The following LCA5 variants were observed in gnomAD, a reference collection of about 807,000 sequenced individuals.
LCA5 encodes the protein lebercilin.
In LCA5, 37 loss-of-function variants were observed where a neutral mutation model predicts 53.0. The observed-to-expected ratio is 0.70, with a 90% CI of 0.54 to 0.92. LCA5 has a LOEUF of 0.92. Among genes scored for constraint, LCA5 ranks in the 40% least tolerant of loss-of-function variants. The pLI is 0.00. For missense variants in LCA5, 806 were observed against 790.5 expected (o/e 1.02, Z -0.23); for synonymous variants, 303 against 282.9 (o/e 1.07, Z -0.71).
intron 3 of LCA5, among the ~76,000 whole-genome samples, chr6:79,512,241 A>G (rs1337539703): frequency 6.6e-6 from 1 of 151,976 alleles, no homozygotes; most frequent in Non-Finnish European, 1.5e-5. Context: ...GCTTTGCACT[A>G]TGAGCTGATC....
rs771098708 is a variant in LCA5, at chr6:79,513,652, G to A, written c.280C>T (p.Arg94Trp). The change falls in exon 3 of 8, where the codon CGG becomes TGG. Residue 94 changes from arginine (R) to tryptophan (W), a missense_variant. Physicochemically the swap from Arg to Trp is moderately radical, Grantham distance 101 (BLOSUM62 -3). Coordinates refer to ENST00000369846, the MANE Select transcript of LCA5 (RefSeq NM_001122769.3). ...TTTGTAACAAGATCAGTATCTTTCC[G>A]AAGTGGCTCTCTATTGAGGCTCTGG... Reference protein sequence around the residue: ...RSQSLNREPLRKDTDLVTKRI... With the variant: ...RSQSLNREPLWKDTDLVTKRI... 3.5e-5 allele frequency: 56 copies of A among 1,613,638 alleles called. No individual in the cohort carries two copies. Among genetic ancestry groups the A allele is most frequent in the Middle Eastern group, 1.6e-4 (1 of 6,078 alleles).
chr6:79,500,604 A>G (rs1770112401), intron 3 of LCA5, among the ~76,000 whole-genome samples: 1 of 152,174 alleles, frequency 6.6e-6, no homozygotes, highest in Non-Finnish European at 1.5e-5. Flanking sequence ...CAGTATTCCT[A>G]GAAGGTAGAC....
chr6:79,486,946 A>G lies in LCA5; in HGVS notation c.*58T>C. ...TTAAAAAGTCTAAATGTTTATAATA[A>G]ATACTGTATTAAAATATTTCAATAT... is the stretch of plus-strand genomic sequence containing the variant. On this transcript the variant is annotated 3_prime_UTR_variant, in exon 8 of 8. Transcript: ENST00000369846. 1 of 1,354,130 alleles carries G rather than the reference A, an allele frequency of 7.4e-7. No homozygotes were observed. Among genetic ancestry groups the G allele is most frequent in the Non-Finnish European group, 1.0e-6 (1 of 985,704 alleles). 83.9% of individuals were successfully genotyped at this position (1,354,130 alleles called of 1,614,324 possible). A position where few individuals can be genotyped will look rare whatever the true frequency, so the allele number is the denominator to read the frequency against.
chr6:79,486,722 CA>C lies in LCA5; in HGVS notation c.*281del, dbSNP rs1203078866. 3.2e-6 allele frequency: 1 copy of C among 308,844 alleles called. No individual in the cohort carries two copies. Among genetic ancestry groups the C allele is most frequent in the African/African-American group, 2.2e-5 (1 of 45,446 alleles). 19.1% of individuals were successfully genotyped at this position (308,844 alleles called of 1,614,324 possible). A position where few individuals can be genotyped will look rare whatever the true frequency, so the allele number is the denominator to read the frequency against. On this transcript the variant is annotated 3_prime_UTR_variant, in exon 8 of 8. Transcript: ENST00000369846. ...TAGAAAAGGAATACCACCTCCAGTGCAGTTAAACTTGCCATAGCACTGGATG... is the reference window on the plus strand; with the variant it reads ...TAGAAAAGGAATACCACCTCCAGTGCGTTAAACTTGCCATAGCACTGGATG...
intron 3 of LCA5, among the ~76,000 whole-genome samples, chr6:79,502,812 G>T (rs1415171823): frequency 6.6e-6 from 1 of 152,096 alleles, no homozygotes; most frequent in Non-Finnish European, 1.5e-5. Context: ...TAGAGCAACA[G>T]AAGACAGATT....
At chr6:79,487,954 AT>A in intron 7 of LCA5, 88 bp from the exon 8 acceptor site, 1 of 1,002,222 alleles carries the variant, frequency 1.0e-6, no homozygotes, top group Non-Finnish European at 1.5e-6. Context: ...AAACCACCAT[AT>A]TTAATTTGGG....
chr6:79,534,447 G>A (rs1562116471), intron 1 of LCA5, among the ~76,000 whole-genome samples: 1 of 151,960 alleles, frequency 6.6e-6, no homozygotes, highest in Non-Finnish European at 1.5e-5. Context: ...GACATTTACT[G>A]AACACCTATG....
chr6:79,520,822 G>A (rs2047897), intron 1 of LCA5, among the ~76,000 whole-genome samples: 23,349 of 152,130 alleles, frequency 0.15, 1,997 homozygotes, highest in East Asian at 0.22. Context: ...GATATACAGA[G>A]AAAAGAAAGA....
At chr6:79,518,038 T>C (rs1766496075) in intron 2 of LCA5, among the ~76,000 whole-genome samples, 1 of 152,186 alleles carries the variant, frequency 6.6e-6, no homozygotes, top group African/African-American at 2.4e-5. Context: ...CATATTTTGT[T>C]ACTAACTACA....
At chr6:79,501,888 G>A (rs181288443) in intron 3 of LCA5, among the ~76,000 whole-genome samples, 1 of 151,546 alleles carries the variant, frequency 6.6e-6, no homozygotes, top group Admixed American at 6.6e-5. Flanking sequence ...AGTATAGTAT[G>A]TAGTATAGAA....
chr6:79,533,597 TA>T (rs1054188055), intron 1 of LCA5, among the ~76,000 whole-genome samples: 3 of 136,872 alleles, frequency 2.2e-5, no homozygotes, highest in Admixed American at 7.1e-5. Flanking sequence ...AAAAAAAAAG[TA>T]AAAAGTCCCA....
At chr6:79,521,324 T>C (rs556239251) in intron 1 of LCA5, among the ~76,000 whole-genome samples, 1 of 152,214 alleles carries the variant, frequency 6.6e-6, no homozygotes, top group South Asian at 2.1e-4. Context: ...TCAATCTACA[T>C]ACATGGTTGG....
chr6:79,518,762 T>C lies in LCA5; in HGVS notation c.133A>G (p.Ser45Gly). 2 of 1,614,156 alleles carry C rather than the reference T, an allele frequency of 1.2e-6. No individual in the cohort carries two copies. Among genetic ancestry groups the C allele is most frequent in the East Asian group, 2.2e-5 (1 of 44,880 alleles). ...CTTTTAGGATTTTTTCTCCTAACAC[T>C]TGCAGGTGAAGAACTGACCAGCGAT... ...RSSLVSSSPA[S>G]VRRKNPKRQT... Residue 45 changes from serine (S) to glycine (G), a missense_variant, in exon 2 of 8, where the codon AGT becomes GGT. Transcript: ENST00000369846.
chr6:79,515,690 A>G (rs1448849051), intron 2 of LCA5, among the ~76,000 whole-genome samples: 1 of 152,086 alleles, frequency 6.6e-6, no homozygotes, highest in Admixed American at 6.6e-5. Context: ...TCCCCATTTC[A>G]TCAGCCATGG....
chr6:79,493,677 T>C lies in LCA5; in HGVS notation c.794A>G (p.Tyr265Cys). 6.2e-7 allele frequency: 1 copy of C among 1,613,562 alleles called. No individual in the cohort carries two copies. Among genetic ancestry groups the C allele is most frequent in the Non-Finnish European group, 8.5e-7 (1 of 1,179,524 alleles). The change falls in exon 4 of 8, where the codon TAT (tyrosine) becomes TGT (cysteine). Residue 265 changes from tyrosine (Y) to cysteine (C), a missense_variant. By Grantham distance (194) the Tyr-to-Cys change is radical. Coordinates refer to ENST00000369846, the MANE Select transcript of LCA5 (RefSeq NM_001122769.3). ...AACTTTATTTTCATCATGAGCCTCATATGCCCTTTTCCTTTCAGCAAGCAA... is the reference window on the plus strand; with the variant it reads ...AACTTTATTTTCATCATGAGCCTCACATGCCCTTTTCCTTTCAGCAAGCAA... ...RQLLAERKRA[Y>C]EAHDENKVLQ...
At chr6:79,501,288 GA>G (rs1309070717) in intron 3 of LCA5, among the ~76,000 whole-genome samples, 9 of 152,006 alleles carry the variant, frequency 5.9e-5, no homozygotes, top group African/African-American at 1.7e-4. Flanking sequence ...AACCTGTCAA[GA>G]ACATATCCAT....
At chr6:79,515,535 AGCACCG>A (rs1582642504) in intron 2 of LCA5, among the ~76,000 whole-genome samples, 1 of 152,108 alleles carries the variant, frequency 6.6e-6, no homozygotes, top group East Asian at 1.9e-4. Context: ...CAATATTCAG[AGCACCG>A]GCCCTTTAAA....
At chr6:79,504,509 G>C (rs1246289254) in intron 3 of LCA5, among the ~76,000 whole-genome samples, 1 of 152,164 alleles carries the variant, frequency 6.6e-6, no homozygotes, top group Non-Finnish European at 1.5e-5. Context: ...AGGTGGGCTG[G>C]TTACAGCTTG....
intron 1 of LCA5, among the ~76,000 whole-genome samples, chr6:79,531,229 CTT>C (rs904305743): frequency 1.3e-5 from 2 of 152,176 alleles, no homozygotes; most frequent in African/African-American, 2.4e-5. Context: ...ATCCCATCCT[CTT>C]TACCCTCTCA....
Sources: allele counts gnomAD v4.1 joint callset (sites outside exome capture counted in the v4.1 genomes callset), GRCh38; gene constraint gnomAD v4.1.1; transcripts MANE v1.5; gene names NCBI Gene and HGNC (gene_info 2026-07-23, HGNC 2026-07-21).